MIPOL1: variants seen among roughly 807,000 people sequenced by gnomAD.
The protein encoded by MIPOL1 is mirror-image polydactyly 1, also known as mirror-image polydactyly gene 1 protein.
A neutral mutation model predicts 60.9 loss-of-function variants in MIPOL1; 57 were observed. That is an observed-to-expected ratio of 0.94 (90% CI 0.76 to 1.17). The LOEUF is 1.17. Ranked by LOEUF, MIPOL1 falls within the 50% of genes most tolerant of loss-of-function variation. The pLI is 0.00. For synonymous variants in MIPOL1, 179 were observed against 168.8 expected, an observed-to-expected ratio of 1.06 and a Z score of -0.47; for missense variants, 551 against 511.6, an observed-to-expected ratio of 1.08 and a Z score of -0.74.
chr14:37,321,154 C>T (rs2088535228), intron 9 of MIPOL1, among the ~76,000 whole-genome samples: 1 of 151,934 alleles, frequency 6.6e-6, no homozygotes, highest in African/African-American at 2.4e-5. Flanking sequence ...ATAGTTAAAG[C>T]AAGATTGGCA....
chr14:37,200,875 TGTGTGTGTGTGTGTGTGTG>T (rs1965170794), intron 1 of MIPOL1, among the ~76,000 whole-genome samples: 2 of 118,398 alleles, frequency 1.7e-5, no homozygotes, highest in African/African-American at 7.0e-5. Context: ...TGTGTGTGTG[TGTGTGTGTGTGTGTGTGTG>T]TGTGTATTTT....
At chr14:37,513,824 T>C (rs2095348244) in intron 12 of MIPOL1, among the ~76,000 whole-genome samples, 1 of 152,172 alleles carries the variant, frequency 6.6e-6, no homozygotes, top group Non-Finnish European at 1.5e-5. Flanking sequence ...CTACTATATG[T>C]TTCTGCATAC....
Position 37,489,314 on chromosome 14 carries a change from CT to C in MIPOL1, c.1032-10592del, listed in dbSNP as rs1163118348. 2.0e-5 allele frequency among the ~76,000 whole-genome samples: 3 copies of C among 152,196 alleles called. No homozygotes were observed. In the East Asian group the frequency reaches 5.8e-4, roughly 29 times the overall value. ...TCAGCTTCATCAGGTCATTTATGTT[CT>C]TCTCTAAACTGGTTATTCTAGTTAG... On this transcript the variant is annotated intron_variant, in intron 11 of 12. Coordinates refer to ENST00000684589, the MANE Select transcript of MIPOL1 (RefSeq NM_001388067.1).
intron 3 of MIPOL1, among the ~76,000 whole-genome samples, chr14:37,256,705 C>T (rs565694415): frequency 1.3e-3 from 198 of 151,282 alleles, no homozygotes; most frequent in African/African-American, 4.5e-3. Context: ...AAATTTTTTT[C>T]GTTAAAAAAG....
intron 5 of MIPOL1, among the ~76,000 whole-genome samples, chr14:37,269,078 G>A (rs1757714694): frequency 6.6e-6 from 1 of 151,814 alleles, no homozygotes; most frequent in South Asian, 2.1e-4. Context: ...TCAAGTTTTA[G>A]TAAAACTCTG....
At chr14:37,267,255 AG>A (rs2082947921) in intron 4 of MIPOL1, 86 bp downstream of exon 4, 2 of 956,392 alleles carry the variant, frequency 2.1e-6, no homozygotes, top group Non-Finnish European at 3.2e-6. Flanking sequence ...TGGGAGGACG[AG>A]GTGGGTGGAT....
chr14:37,216,963 T>C (rs1348963065), intron 1 of MIPOL1, among the ~76,000 whole-genome samples: 2 of 151,802 alleles, frequency 1.3e-5, no homozygotes, highest in East Asian at 1.9e-4. Flanking sequence ...TAATAAAAAA[T>C]ACAAACAACC....
chr14:37,365,831 A>G (rs1406625299), intron 9 of MIPOL1, among the ~76,000 whole-genome samples: 1 of 152,058 alleles, frequency 6.6e-6, no homozygotes, highest in Non-Finnish European at 1.5e-5. Context: ...TGAAGCCATC[A>G]GGTCCAAGGC....
intron 7 of MIPOL1, among the ~76,000 whole-genome samples, chr14:37,297,551 A>C (rs1425876980): frequency 6.6e-6 from 1 of 152,176 alleles, no homozygotes; most frequent in Non-Finnish European, 1.5e-5. Flanking sequence ...TGTATCTAGA[A>C]AACCCCATCG....
chr14:37,398,249 C>T (rs551945143), intron 10 of MIPOL1, among the ~76,000 whole-genome samples: 2 of 152,254 alleles, frequency 1.3e-5, no homozygotes, highest in Admixed American at 6.5e-5. Flanking sequence ...ACTAGGGGCA[C>T]GGTGGTGGTT....
At chr14:37,436,497 T>C (rs2094165330) in intron 11 of MIPOL1, among the ~76,000 whole-genome samples, 1 of 152,252 alleles carries the variant, frequency 6.6e-6, no homozygotes, top group Non-Finnish European at 1.5e-5. Context: ...TAATAGCTAA[T>C]AATTGAAGAC....
At chr14:37,509,894 G>T (rs2095312975) in intron 12 of MIPOL1, among the ~76,000 whole-genome samples, 1 of 151,432 alleles carries the variant, frequency 6.6e-6, no homozygotes, top group Admixed American at 6.6e-5. Context: ...AGAAACTGTA[G>T]AAATGCTCTG....
At chr14:37,320,464 T>C (rs1310820639) in intron 9 of MIPOL1, among the ~76,000 whole-genome samples, 1 of 152,124 alleles carries the variant, frequency 6.6e-6, no homozygotes, top group East Asian at 1.9e-4. Context: ...TTGTGAAATA[T>C]CTCTTCGAGG....
At chr14:37,380,196 A>C (rs2153508047) in intron 10 of MIPOL1, among the ~76,000 whole-genome samples, 1 of 152,252 alleles carries the variant, frequency 6.6e-6, no homozygotes, top group Middle Eastern at 3.4e-3. Context: ...GTCAGTATAT[A>C]AAGAAAACAC....
At chr14:37,380,251 C>T (rs1218605725) in intron 10 of MIPOL1, among the ~76,000 whole-genome samples, 1 of 152,074 alleles carries the variant, frequency 6.6e-6, no homozygotes, top group East Asian at 1.9e-4. Flanking sequence ...GCCTTGGTTT[C>T]TAACAGCGTT....
At position 37,391,516 on chromosome 14, in the gene MIPOL1, C is replaced by T. The variant is rs572505746; in HGVS notation, c.936+21892C>T. ...GTTCAAGCCATTCTCCTGCCTCAGC[C>T]TCCCAAGTAGCTGGGACTACAGGTG... On this transcript the variant is annotated intron_variant, in intron 10 of 12. Coordinates refer to ENST00000684589, the MANE Select transcript of MIPOL1 (RefSeq NM_001388067.1). Among the ~76,000 whole-genome samples, 5 of 151,934 alleles carry T rather than the reference C, an allele frequency of 3.3e-5. No individual in the cohort carries two copies. The South Asian group carries it at 1.0e-3, about 32-fold the overall frequency.
At chr14:37,285,521 A>T in intron 7 of MIPOL1, 74 bp downstream of exon 7, 1 of 1,454,468 alleles carries the variant, frequency 6.9e-7, no homozygotes, top group Non-Finnish European at 9.4e-7. Flanking sequence ...GTAGTTACAT[A>T]TTTAAAAATG....
At chr14:37,296,834 G>C (rs1042209295) in intron 7 of MIPOL1, among the ~76,000 whole-genome samples, 90 of 152,192 alleles carry the variant, frequency 5.9e-4, no homozygotes, top group African/African-American at 2.1e-3. Flanking sequence ...ACCAAAAAAA[G>C]TCCAGGACCA....
At position 37,499,952 on chromosome 14, in the gene MIPOL1, TTAAC is replaced by T. The variant is rs1471337400; in HGVS notation, c.1079_1082del (p.Asn360IlefsTer10). 2 of 1,607,216 alleles carry T rather than the reference TTAAC, an allele frequency of 1.2e-6. No homozygotes were observed. The highest frequency in any genetic ancestry group is 1.7e-6 in the Non-Finnish European group (2 of 1,176,102). ...CAAGAAGAAAATCTGAAGGATCAGT[TTAAC>T]TATACCCTTAGTACATATGAAGAAG... On this transcript the variant is annotated frameshift_variant, in exon 12 of 13. Transcript: ENST00000684589. LOFTEE classifies it high-confidence loss of function.
Sources: allele counts gnomAD v4.1 joint callset (sites outside exome capture counted in the v4.1 genomes callset), GRCh38; gene constraint gnomAD v4.1.1; transcripts MANE v1.5; gene names NCBI Gene and HGNC (gene_info 2026-07-23, HGNC 2026-07-21).